The following ANKS1B variants were observed in gnomAD, a reference collection of about 807,000 sequenced individuals.
ANKS1B encodes ankyrin repeat and sterile alpha motif domain containing 1B.
Under a neutral mutation model 148.3 loss-of-function variants are expected in ANKS1B, and 36 were observed. That is an observed-to-expected ratio of 0.24 (90% CI 0.19 to 0.32). ANKS1B has a LOEUF of 0.32. ANKS1B is among the 10% of genes least tolerant of loss of function. The probability of loss-of-function intolerance (pLI) is 1.00; values close to 1 mark genes in which losing one functional copy is unlikely to be tolerated. For missense variants in ANKS1B, 1,157 were observed against 1,542.6 expected, an observed-to-expected ratio of 0.75 and a Z score of 4.19; for synonymous variants, 542 against 560.8, an observed-to-expected ratio of 0.97 and a Z score of 0.47.
At chr12:99,495,465 G>A (rs2096595367) in intron 10 of ANKS1B, among the ~76,000 whole-genome samples, 1 of 151,908 alleles carries the variant, frequency 6.6e-6, no homozygotes, top group Admixed American at 6.6e-5. Flanking sequence ...TTGGTAAACT[G>A]TCCATATGGA....
chr12:99,877,490 T>C (rs1282741505), intron 1 of ANKS1B, among the ~76,000 whole-genome samples: 3 of 152,214 alleles, frequency 2.0e-5, no homozygotes, highest in South Asian at 2.1e-4. Context: ...CTAGGAAACA[T>C]AGGCTCTAAC....
At chr12:99,781,628 G>A (rs551268524) in intron 5 of ANKS1B, among the ~76,000 whole-genome samples, 11 of 152,240 alleles carry the variant, frequency 7.2e-5, no homozygotes, top group South Asian at 2.1e-4. Context: ...TCTGTTTACC[G>A]TAGTCCACAA....
At chr12:99,325,966 G>C (rs1249242617) in intron 12 of ANKS1B, among the ~76,000 whole-genome samples, 1 of 152,058 alleles carries the variant, frequency 6.6e-6, no homozygotes, top group African/African-American at 2.4e-5. Flanking sequence ...ACAGCAGAAG[G>C]TGAAGAGAAA....
chr12:99,537,859 A>G (rs1006438810), intron 9 of ANKS1B, among the ~76,000 whole-genome samples: 25 of 152,242 alleles, frequency 1.6e-4, no homozygotes, highest in African/African-American at 6.0e-4. Context: ...GAATTTCCCC[A>G]AAGTTTTCTT....
At chr12:99,843,048 A>AGGTT (rs1037259846) in intron 1 of ANKS1B, among the ~76,000 whole-genome samples, 3 of 151,934 alleles carry the variant, frequency 2.0e-5, no homozygotes, top group African/African-American at 7.2e-5. Flanking sequence ...TAGTTTCTTC[A>AGGTT]GTTTGTTTGT....
chr12:99,125,477 T>C (rs1259094977), intron 15 of ANKS1B, among the ~76,000 whole-genome samples: 1 of 152,252 alleles, frequency 6.6e-6, no homozygotes, highest in African/African-American at 2.4e-5. Context: ...AATCTTGGGC[T>C]GCCATGTCAT....
chr12:99,062,176 G>T (rs986437086), intron 16 of ANKS1B, among the ~76,000 whole-genome samples: 1 of 152,132 alleles, frequency 6.6e-6, no homozygotes, highest in South Asian at 2.1e-4. Context: ...ATCTGACCTC[G>T]AGCAAATCAC....
At chr12:99,861,604 C>A (rs567701970) in intron 1 of ANKS1B, among the ~76,000 whole-genome samples, 1 of 152,064 alleles carries the variant, frequency 6.6e-6, no homozygotes, top group Non-Finnish European at 1.5e-5. Flanking sequence ...GGAATATCTA[C>A]GAATAATAAT....
chr12:99,107,306 C>T (rs1284842718), intron 15 of ANKS1B, among the ~76,000 whole-genome samples: 2 of 151,982 alleles, frequency 1.3e-5, no homozygotes, highest in Non-Finnish European at 2.9e-5. Context: ...GTTGCGGTGC[C>T]GTGTAGAAGT....
At chr12:99,717,917 T>C (rs2057563185) in intron 8 of ANKS1B, among the ~76,000 whole-genome samples, 1 of 147,684 alleles carries the variant, frequency 6.8e-6, no homozygotes, top group Admixed American at 6.8e-5. Context: ...TTTTTTTTTT[T>C]TTTTGAGACG....
chr12:99,223,972 TG>T (rs2085496229), intron 14 of ANKS1B, among the ~76,000 whole-genome samples: 1 of 152,182 alleles, frequency 6.6e-6, no homozygotes, highest in South Asian at 2.1e-4. Flanking sequence ...TTTTTATTAG[TG>T]GGGAAAACTC....
At chr12:98,747,803 G>A (rs980398893) in intron 26 of ANKS1B, among the ~76,000 whole-genome samples, 4 of 152,204 alleles carry the variant, frequency 2.6e-5, no homozygotes, top group Admixed American at 2.6e-4. Context: ...GTCATTTGCA[G>A]CAACATGAAT....
intron 8 of ANKS1B, among the ~76,000 whole-genome samples, chr12:99,665,406 A>G (rs1352147266): frequency 1.3e-5 from 2 of 152,154 alleles, no homozygotes; most frequent in African/African-American, 4.8e-5. Flanking sequence ...AATGTGCTAA[A>G]TATCTTCTCC....
At chr12:99,163,162 A>T (rs184808932) in intron 14 of ANKS1B, among the ~76,000 whole-genome samples, 41 of 152,236 alleles carry the variant, frequency 2.7e-4, no homozygotes, top group African/African-American at 8.7e-4. Flanking sequence ...CTTTTTAAAA[A>T]TAACTACATA....
chr12:99,283,020 G>A (rs1310298941), intron 12 of ANKS1B, among the ~76,000 whole-genome samples: 13 of 152,128 alleles, frequency 8.5e-5, no homozygotes, highest in East Asian at 1.9e-4. Context: ...GCATTCTGAC[G>A]TTTAGGGGTC....
intron 16 of ANKS1B, among the ~76,000 whole-genome samples, chr12:99,066,966 C>A (rs1006709825): frequency 1.3e-5 from 2 of 152,042 alleles, no homozygotes; most frequent in Non-Finnish European, 2.9e-5. Context: ...AGTGAGGATT[C>A]CAGGGGCCTG....
chr12:98,865,228 G>C (rs35294565), intron 17 of ANKS1B, among the ~76,000 whole-genome samples: 9,088 of 151,996 alleles, frequency 0.06, 296 homozygotes, highest in African/African-American at 0.073. Flanking sequence ...TCAGACTCTC[G>C]ATCTTATTGC....
chr12:99,456,968 A>C (rs942026389), intron 10 of ANKS1B, among the ~76,000 whole-genome samples: 1 of 152,182 alleles, frequency 6.6e-6, no homozygotes, highest in Admixed American at 6.5e-5. Context: ...GGCACCTGAT[A>C]GTCATCAGGT....
chr12:99,655,892 G>GAA (rs2098447568), intron 8 of ANKS1B, among the ~76,000 whole-genome samples: 1 of 152,088 alleles, frequency 6.6e-6, no homozygotes, highest in Non-Finnish European at 1.5e-5. Context: ...ACCTGACTTA[G>GAA]CAAACATGAG....
Sources: gnomAD v4.1 joint callset for allele counts (sites outside exome capture counted in the v4.1 genomes callset) on GRCh38, gnomAD v4.1.1 for gene constraint, MANE v1.5 for transcripts, NCBI Gene and HGNC (gene_info 2026-07-23, HGNC 2026-07-21) for gene names.